Variants in PDE11A observed in about 807,000 individuals in gnomAD.
PDE11A encodes dual 3',5'-cyclic-AMP and -GMP phosphodiesterase 11A.
In PDE11A, 100 loss-of-function variants were observed where a neutral mutation model predicts 100.5. The ratio of observed to expected loss-of-function variants is 1.00; its 90% CI spans 0.85 to 1.18. The LOEUF is 1.18. PDE11A is among the 50% of genes most tolerant of loss of function. The pLI, the probability that PDE11A is intolerant of heterozygous loss-of-function variation, is 0.00. For missense variants in PDE11A, 1,141 were observed against 1,152.6 expected (o/e 0.99, Z 0.15); for synonymous variants, 381 against 420.8 (o/e 0.91, Z 1.16).
At chr2:178,059,809 A>G (rs1197007069) in intron 1 of PDE11A, among the ~76,000 whole-genome samples, 2 of 152,126 alleles carry the variant, frequency 1.3e-5, no homozygotes, top group African/African-American at 4.8e-5. Flanking sequence ...GCACACAAGC[A>G]CAGGCCTGTG....
intron 2 of PDE11A, among the ~76,000 whole-genome samples, chr2:177,944,535 T>C (rs2085380899): frequency 6.6e-6 from 1 of 152,220 alleles, no homozygotes; most frequent in South Asian, 2.1e-4. Flanking sequence ...GAAATTTAGG[T>C]TGCTTCACAT....
At chr2:177,663,780 T>G (rs1326586272) in intron 19 of PDE11A, 86 bp downstream of exon 19, 1 of 817,152 alleles carries the variant, frequency 1.2e-6, no homozygotes. Context: ...CCTGGAAATG[T>G]CTCCTCAAAT....
intron 1 of PDE11A, among the ~76,000 whole-genome samples, chr2:178,068,747 G>A (rs2087084266): frequency 6.6e-6 from 1 of 152,136 alleles, no homozygotes; most frequent in African/African-American, 2.4e-5. Flanking sequence ...ACCAGGAAAT[G>A]CAAAGGATGG....
At position 177,626,840 on chromosome 2, in the gene PDE11A, T is replaced by C. The variant is rs1463869489; in HGVS notation, c.*2567A>G. 6.6e-6 allele frequency: 1 copy of C among 151,490 alleles called. No individual in the cohort carries two copies. Among genetic ancestry groups the C allele is most frequent in the Non-Finnish European group, 1.5e-5 (1 of 67,960 alleles). 9.4% of individuals were successfully genotyped at this position (151,490 alleles called of 1,614,324 possible). ...TTCTGAGCAATTGATGACAGGGTTC[T>C]ACACCTTCATTTTTTTTGGTTGGAA... is the stretch of plus-strand genomic sequence containing the variant. On this transcript the variant is annotated 3_prime_UTR_variant, in exon 20 of 20. Coordinates refer to ENST00000286063, the MANE Select transcript of PDE11A (RefSeq NM_016953.4).
intron 9 of PDE11A, among the ~76,000 whole-genome samples, chr2:177,800,770 C>T (rs1375709908): frequency 6.6e-6 from 1 of 152,132 alleles, no homozygotes; most frequent in African/African-American, 2.4e-5. Flanking sequence ...CAGGAGTACA[C>T]TAGATCTATG....
intron 6 of PDE11A, among the ~76,000 whole-genome samples, chr2:177,822,673 T>C (rs925779428): frequency 3.3e-5 from 5 of 152,084 alleles, no homozygotes; most frequent in African/African-American, 1.2e-4. Context: ...ATCTATCTGT[T>C]TGGGGGAGAA....
intron 5 of PDE11A, among the ~76,000 whole-genome samples, chr2:177,874,216 A>T (rs1574240022): frequency 6.6e-6 from 1 of 152,208 alleles, no homozygotes; most frequent in East Asian, 1.9e-4. Context: ...GGCCTCAAAC[A>T]AGTTACTTAA....
intron 2 of PDE11A, among the ~76,000 whole-genome samples, chr2:177,953,588 A>G (rs1414321759): frequency 1.3e-5 from 2 of 152,176 alleles, no homozygotes; most frequent in African/African-American, 4.8e-5. Context: ...AATTTTTTTC[A>G]TTAATGTTGA....
chr2:177,980,973 GATACACACAC>G, intron 2 of PDE11A, among the ~76,000 whole-genome samples: 1 of 73,686 alleles, frequency 1.4e-5, no homozygotes, highest in African/African-American at 4.8e-5. Context: ...GTGAGAACTA[GATACACACAC>G]ACACACACAC....
chr2:177,680,645 T>C (rs1225895217), intron 16 of PDE11A, among the ~76,000 whole-genome samples, 181 bp downstream of exon 16: 5 of 152,176 alleles, frequency 3.3e-5, no homozygotes, highest in African/African-American at 1.2e-4. Context: ...AAATAAATTA[T>C]AAGATGAAAA....
At chr2:178,091,517 T>C (rs777625268) in intron 2 of PDE11A, among the ~76,000 whole-genome samples, 1 of 152,208 alleles carries the variant, frequency 6.6e-6, no homozygotes, top group Non-Finnish European at 1.5e-5. Flanking sequence ...CACAGGGCTA[T>C]TGTTGTGAAG....
At chr2:178,010,733 C>T (rs2086265267) in intron 2 of PDE11A, among the ~76,000 whole-genome samples, 1 of 152,008 alleles carries the variant, frequency 6.6e-6, no homozygotes, top group Non-Finnish European at 1.5e-5. Context: ...TTATGATCTC[C>T]CAAAATGACA....
At chr2:177,786,508 C>T (rs908946909) in intron 9 of PDE11A, among the ~76,000 whole-genome samples, 155 of 152,244 alleles carry the variant, frequency 1.0e-3, no homozygotes, top group African/African-American at 3.7e-3. Flanking sequence ...AACGCAGTTC[C>T]TCACCAGCAA....
At position 177,728,017 on chromosome 2, in the gene PDE11A, A is replaced by G; in HGVS notation, c.1935+9T>C. ...GAACTGCTTGGATCACCCAAGACAGACATCTTACCTCATAGTCAATTTTAA... is the reference window on the plus strand; with the variant it reads ...GAACTGCTTGGATCACCCAAGACAGGCATCTTACCTCATAGTCAATTTTAA... On this transcript the variant is annotated intron_variant, in intron 11 of 19. Transcript: ENST00000286063. The G allele has an allele frequency of 6.2e-7, 1 of 1,611,748 alleles. No homozygotes were observed. Among genetic ancestry groups the G allele is most frequent in the East Asian group, 2.2e-5 (1 of 44,818 alleles).
rs1416601370 is a variant in PDE11A at position 177,990,770 on chromosome 2, G to A, written c.1071+23532C>T. ...AAAAAAAGGAAAAAAAAGGCGGAGG[G>A]TAGCGTGGTGGCTCATGCCTGTAAT... is the stretch of plus-strand genomic sequence containing the variant. On this transcript the variant is annotated intron_variant, in intron 2 of 19. Transcript: ENST00000286063. Among the ~76,000 whole-genome samples the A allele has an allele frequency of 4.2e-5, 6 of 142,484 alleles. No individual in the cohort carries two copies. In the Admixed American group the frequency reaches 4.3e-4, roughly 10 times the overall value. 93.5% of individuals were successfully genotyped at this position (142,484 alleles called of 152,430 possible).
At chr2:177,998,469 A>G (rs1222744085) in intron 2 of PDE11A, 5 of 1,340,646 alleles carry the variant, frequency 3.7e-6, no homozygotes, top group Non-Finnish European at 5.4e-6. Flanking sequence ...TTGCATTAGT[A>G]TATCTGCCAC....
intron 12 of PDE11A, among the ~76,000 whole-genome samples, chr2:177,714,618 C>T (rs1203008574): frequency 3.9e-5 from 6 of 152,064 alleles, no homozygotes; most frequent in Non-Finnish European, 7.4e-5. Flanking sequence ...TTATGGTCAC[C>T]CTCCCCTCAC....
rs537878574 is a variant in PDE11A, at chr2:177,781,297, A to G, written c.1738-11924T>C. Among the ~76,000 whole-genome samples the G allele has an allele frequency of 2.0e-5, 3 of 152,332 alleles. No homozygotes were observed. In the East Asian group the frequency reaches 5.8e-4, roughly 29 times the overall value. Reference sequence around the variant, plus strand: ...TATGGGCACAGTTCATAGTGCCCCAAAGGATTACAATAGTAACATTAAAAA... The same window carrying G: ...TATGGGCACAGTTCATAGTGCCCCAGAGGATTACAATAGTAACATTAAAAA... On this transcript the variant is annotated intron_variant, in intron 9 of 19. Transcript: ENST00000286063.
At chr2:177,848,878 G>C (rs934373745) in intron 5 of PDE11A, among the ~76,000 whole-genome samples, 2 of 152,164 alleles carry the variant, frequency 1.3e-5, no homozygotes, top group Non-Finnish European at 2.9e-5. Context: ...AGAGAACTGT[G>C]TGAAAATAAA....
Sources: gnomAD v4.1 joint callset for allele counts (sites outside exome capture counted in the v4.1 genomes callset) on GRCh38, gnomAD v4.1.1 for gene constraint, MANE v1.5 for transcripts, NCBI Gene and HGNC (gene_info 2026-07-23, HGNC 2026-07-21) for gene names.